Variants in VCPIP1 observed in about 807,000 individuals in gnomAD.
VCPIP1 encodes deubiquitinating protein VCPIP1.
In VCPIP1, 8 loss-of-function variants were observed where a neutral mutation model predicts 85.0. The ratio of observed to expected loss-of-function variants is 0.09; its 90% CI spans 0.06 to 0.17. The LOEUF is 0.17. VCPIP1 is among the 10% of genes least tolerant of loss of function. The probability of loss-of-function intolerance (pLI) is 1.00; values close to 1 mark genes in which losing one functional copy is unlikely to be tolerated. For synonymous variants in VCPIP1, 543 were observed against 544.5 expected (o/e 1.00, Z 0.04); for missense variants, 1,070 against 1,486.3 (o/e 0.72, Z 4.61).
At chr8:66,649,678 C>T in intron 2 of VCPIP1, among the ~76,000 whole-genome samples, 1 of 152,154 alleles carries the variant, frequency 6.6e-6, no homozygotes, top group East Asian at 1.9e-4. Context: ...CAATGGTTGT[C>T]AGGGCCTGGG....
At position 66,634,797 on chromosome 8, in the gene VCPIP1, G is replaced by C. The variant is rs1286084764; in HGVS notation, c.3373C>G (p.Arg1125Gly). 8.7e-6 allele frequency: 14 copies of C among 1,614,032 alleles called. No individual in the cohort carries two copies. Among genetic ancestry groups the C allele is most frequent in the East Asian group, 2.2e-5 (1 of 44,900 alleles). The change falls in exon 3 of 3, where the codon CGG (arginine) becomes GGG (glycine). Residue 1125 changes from arginine to glycine, a missense_variant. Physicochemically the swap from Arg to Gly is moderately radical, Grantham distance 125 (BLOSUM62 -2). Around this residue, in one of 8 missense-constraint regions of VCPIP1, gnomAD observed 255 missense variants for 289.5 expected, o/e 0.88. Coordinates refer to ENST00000310421, the MANE Select transcript of VCPIP1 (RefSeq NM_025054.5). ...SIQASMDRHL[R>G]DQSTEQSPSD... The stretch of plus-strand genomic sequence containing the variant: ...GGTGACTGCTCTGTACTTTGATCCC[G>C]AAGGTGCCTGTCCATTGAAGCCTGA...
In VCPIP1 at chr8:66,655,204, A is replaced by T. The variant is rs190143681; in HGVS notation, c.2711-3660T>A. On this transcript the variant is annotated intron_variant, in intron 1 of 2. Coordinates refer to ENST00000310421, the MANE Select transcript of VCPIP1 (RefSeq NM_025054.5). ...CTTTTATACTTTTCAGATTCAGGGAAAGGTCAGTGGCCTATCTGACTTTTT... is the reference window on the plus strand; with the variant it reads ...CTTTTATACTTTTCAGATTCAGGGATAGGTCAGTGGCCTATCTGACTTTTT... Among the ~76,000 whole-genome samples the T allele has an allele frequency of 9.8e-5, 15 of 152,318 alleles. No homozygotes were observed. In the East Asian group the frequency reaches 2.9e-3, roughly 29 times the overall value.
At position 66,629,383 on chromosome 8, in the gene VCPIP1, ACTG is replaced by A. The variant is rs1394184493; in HGVS notation, c.*5115_*5117del. On this transcript the variant is annotated 3_prime_UTR_variant, in exon 3 of 3. Coordinates refer to ENST00000310421, the MANE Select transcript of VCPIP1 (RefSeq NM_025054.5). ...ATAAAACTTGGAAGTAAACGTGTTG[ACTG>A]CTAAGCTACACAAACGTTATTTAGT... The A allele has an allele frequency of 1.3e-5, 2 of 152,228 alleles. No individual in the cohort carries two copies. The highest frequency in any genetic ancestry group is 2.9e-5 in the Non-Finnish European group (2 of 68,038). The allele number at this position is 152,228 out of a possible 1,614,324, so 9.4% of individuals were successfully genotyped here.
intron 2 of VCPIP1, among the ~76,000 whole-genome samples, chr8:66,636,372 GA>G (rs769704117): frequency 3.6e-4 from 54 of 151,844 alleles, no homozygotes; most frequent in African/African-American, 1.2e-3. Flanking sequence ...TGAAACAATG[GA>G]AAAAAATCTA....
chr8:66,640,400 G>GT (rs1228728222), intron 2 of VCPIP1, among the ~76,000 whole-genome samples: 1 of 152,204 alleles, frequency 6.6e-6, no homozygotes, highest in Non-Finnish European at 1.5e-5. Context: ...AGAAGTCAGA[G>GT]TGTAATACAT....
chr8:66,659,413 A>T (rs1811134366), intron 1 of VCPIP1, among the ~76,000 whole-genome samples: 1 of 152,196 alleles, frequency 6.6e-6, no homozygotes, highest in South Asian at 2.1e-4. Flanking sequence ...GATAAAAGAG[A>T]TTAAAAATGT....
At position 66,665,387 on chromosome 8, in the gene VCPIP1, A is replaced by G; in HGVS notation, c.1572T>C (p.Asp524=). 3 of 1,614,242 alleles carry G rather than the reference A, an allele frequency of 1.9e-6. No individual in the cohort carries two copies. Among genetic ancestry groups the G allele is most frequent in the Non-Finnish European group, 2.5e-6 (3 of 1,180,042 alleles). The change falls in exon 1 of 3, where the codon GAT becomes GAC. Residue 524 remains aspartate (D), a synonymous_variant. Coordinates refer to ENST00000310421, the MANE Select transcript of VCPIP1 (RefSeq NM_025054.5). The surrounding 1 kb of genome is among the most constrained non-coding windows in gnomAD (Gnocchi z 4.3). The part of the protein sequence containing the change: ...NLVCSYDSVK[D]VLVPDYGMSN... ...TCATTCCATAGTCTGGTACCAGAAC[A>G]TCTTTCACTGAATCATATGAGCAAA...
At chr8:66,644,716 A>G (rs1810977685) in intron 2 of VCPIP1, among the ~76,000 whole-genome samples, 1 of 152,120 alleles carries the variant, frequency 6.6e-6, no homozygotes, top group South Asian at 2.1e-4. Flanking sequence ...CTACATAGAC[A>G]AGGATCTGCT....
chr8:66,665,954 T>C lies in VCPIP1; in HGVS notation c.1005A>G (p.Lys335=), dbSNP rs1811204665. 1.2e-6 allele frequency: 2 copies of C among 1,614,096 alleles called. No homozygotes were observed. Among genetic ancestry groups the C allele is most frequent in the Admixed American group, 1.7e-5 (1 of 60,006 alleles). ...AGATTGGTTTGTTCAAATGACCATC[T>C]TTCCCAGTGCACTTCTCTGCAGGGA... ...GLIPAEKCTG[K]DGHLNKPICI... Residue 335 remains lysine, a synonymous_variant, in exon 1 of 3, where the codon AAA becomes AAG. Transcript: ENST00000310421. The surrounding 1 kb of genome is among the most constrained non-coding windows in gnomAD (Gnocchi z 4.3).
Position 66,630,043 on chromosome 8 carries a change from A to G in VCPIP1, c.*4458T>C, listed in dbSNP as rs931301953. The G allele has an allele frequency of 6.6e-6, 1 of 152,220 alleles. No individual in the cohort carries two copies. The highest frequency in any genetic ancestry group is 1.5e-5 in the Non-Finnish European group (1 of 68,032). The allele number at this position is 152,220 out of a possible 1,614,324, so 9.4% of individuals were successfully genotyped here. On this transcript the variant is annotated 3_prime_UTR_variant, in exon 3 of 3. Transcript: ENST00000310421. The stretch of plus-strand genomic sequence containing the variant: ...ATAATTCCAGGAAACTAAAGAACAT[A>G]AAATTACCTTTAAAAGCTAATGTGG...
chr8:66,662,707 G>C (rs911793089), intron 1 of VCPIP1, among the ~76,000 whole-genome samples: 1 of 151,570 alleles, frequency 6.6e-6, no homozygotes, highest in Non-Finnish European at 1.5e-5. Context: ...TTTTGAGACA[G>C]AGTCTCGCTC....
In VCPIP1 at chr8:66,634,009, T is replaced by C. The variant is rs181518929; in HGVS notation, c.*492A>G. 4.6e-3 allele frequency: 704 copies of C among 152,368 alleles called. 5 individuals are homozygous for C. The highest frequency in any genetic ancestry group is 0.02 in the Middle Eastern group (6 of 294). 9.4% of individuals were successfully genotyped at this position (152,368 alleles called of 1,614,324 possible). ...GTTCATAGAAACATTTGCATTCCAC[T>C]GTCTAATAAATAATTGTATGAATTT... is the stretch of plus-strand genomic sequence containing the variant. On this transcript the variant is annotated 3_prime_UTR_variant, in exon 3 of 3. Coordinates refer to ENST00000310421, the MANE Select transcript of VCPIP1 (RefSeq NM_025054.5).
chr8:66,634,396 T>C lies in VCPIP1; in HGVS notation c.*105A>G, dbSNP rs1810863087. ...TGAATAACAAGATATAATCTTTGAATTATATACGTACAAGATTTTTAATGA... is the reference window on the plus strand; with the variant it reads ...TGAATAACAAGATATAATCTTTGAACTATATACGTACAAGATTTTTAATGA... On this transcript the variant is annotated 3_prime_UTR_variant, in exon 3 of 3. Transcript: ENST00000310421. 1 of 1,311,118 alleles carries C rather than the reference T, an allele frequency of 7.6e-7. No individual in the cohort carries two copies. The highest frequency in any genetic ancestry group is 1.0e-6 in the Non-Finnish European group (1 of 959,656). The allele number at this position is 1,311,118 out of a possible 1,614,324, so 81.2% of individuals were successfully genotyped here.
At chr8:66,648,525 TAATC>T (rs758406182) in intron 2 of VCPIP1, among the ~76,000 whole-genome samples, 2 of 134,620 alleles carry the variant, frequency 1.5e-5, no homozygotes, top group African/African-American at 2.8e-5. Flanking sequence ...TCTATGTATC[TAATC>T]TATCTATCTA....
chr8:66,666,104 C>T lies in VCPIP1; in HGVS notation c.855G>A (p.Leu285=), dbSNP rs1386203933. Residue 285 remains leucine, a synonymous_variant, in exon 1 of 3, where the codon TTG becomes TTA. Coordinates refer to ENST00000310421, the MANE Select transcript of VCPIP1 (RefSeq NM_025054.5). The surrounding 1 kb of genome is among the most constrained non-coding windows in gnomAD (Gnocchi z 6.3). ...CAAATATGTGGATATTCCTCAGGCC[C>T]AAGGGAACACCCTCAGGTGGTACAA... ...PLFVPPEGVP[L]GLRNIHIFGL... 3 of 1,614,112 alleles carry T rather than the reference C, an allele frequency of 1.9e-6. 1 individual carries two copies. In the South Asian group the frequency reaches 3.3e-5, roughly 18 times the overall value.
At position 66,667,198 on chromosome 8, in the gene VCPIP1, A is replaced by C; in HGVS notation, c.-240T>G. On this transcript the variant is annotated 5_prime_UTR_variant, in exon 1 of 3. Coordinates refer to ENST00000310421, the MANE Select transcript of VCPIP1 (RefSeq NM_025054.5). Reference sequence around the variant, plus strand: ...GGCCACCACCCCACCCCGCACTCACACTCACTCACTCTCGCTCTCTCTCCC... The same window carrying C: ...GGCCACCACCCCACCCCGCACTCACCCTCACTCACTCTCGCTCTCTCTCCC... 2 of 715,636 alleles carry C rather than the reference A, an allele frequency of 2.8e-6. No individual in the cohort carries two copies. The highest frequency in any genetic ancestry group is 4.2e-6 in the Non-Finnish European group (2 of 474,548). The allele number at this position is 715,636 out of a possible 1,614,324, so 44.3% of individuals were successfully genotyped here. A position where few individuals can be genotyped will look rare whatever the true frequency, so the allele number is the denominator to read the frequency against.
chr8:66,634,860 C>T lies in VCPIP1; in HGVS notation c.3310G>A (p.Ala1104Thr). The change falls in exon 3 of 3, where the codon GCC becomes ACC. Residue 1104 changes from alanine (A) to threonine (T), a missense_variant. Transcript: ENST00000310421. ...ATTTCCTGCAATTTTTTTCGCTGGG[C>T]CTCAACCAAATCAGGATCAAGCTGC... ...GRQLDPDLVE[A>T]QRKKLQEMVS... The T allele has an allele frequency of 6.2e-7, 1 of 1,614,056 alleles. No homozygotes were observed. Among genetic ancestry groups the T allele is most frequent in the Non-Finnish European group, 8.5e-7 (1 of 1,180,014 alleles).
chr8:66,648,668 T>A (rs1283225188), intron 2 of VCPIP1, among the ~76,000 whole-genome samples: 2 of 151,872 alleles, frequency 1.3e-5, no homozygotes, highest in Non-Finnish European at 2.9e-5. Context: ...AATTCTCGGG[T>A]CTCAGCCTCC....
At chr8:66,638,320 T>A (rs1810908976) in intron 2 of VCPIP1, among the ~76,000 whole-genome samples, 1 of 151,194 alleles carries the variant, frequency 6.6e-6, no homozygotes. Context: ...ACCTCACCTC[T>A]ACAAAAAATT....
Sources: gnomAD v4.1 joint callset for allele counts (sites outside exome capture counted in the v4.1 genomes callset) on GRCh38, gnomAD v4.1.1 for gene constraint, gnomAD v4.1.1 regional missense constraint, Gnocchi (gnomAD v3.1) non-coding constraint, MANE v1.5 for transcripts, NCBI Gene and HGNC (gene_info 2026-07-23, HGNC 2026-07-21) for gene names.